The following CD38 variants were observed in gnomAD, a reference collection of about 807,000 sequenced individuals.
CD38 encodes ADP-ribosyl cyclase/cyclic ADP-ribose hydrolase 1.
CD38 carries 31 observed loss-of-function variants against 36.3 expected under a neutral mutation model. The ratio of observed to expected loss-of-function variants is 0.85; its 90% CI spans 0.64 to 1.15. The LOEUF is 1.15. Ranked by LOEUF, CD38 falls within the 50% of genes most tolerant of loss-of-function variation. The pLI, the probability that CD38 is intolerant of heterozygous loss-of-function variation, is 0.00. For synonymous variants in CD38, 131 were observed against 135.2 expected (o/e 0.97, Z 0.22); for missense variants, 380 against 371.9 (o/e 1.02, Z -0.18).
intron 1 of CD38, among the ~76,000 whole-genome samples, chr4:15,780,115 T>C (rs1473517766): frequency 6.6e-6 from 1 of 152,236 alleles, no homozygotes; most frequent in Non-Finnish European, 1.5e-5. Context: ...ATACATTGTG[T>C]GTACATATGG....
chr4:15,778,452 A>T lies in CD38; in HGVS notation c.38A>T (p.Lys13Ile). Residue 13 changes from lysine to isoleucine, a missense_variant, in exon 1 of 8, where the codon AAA becomes ATA. Coordinates refer to ENST00000226279, the MANE Select transcript of CD38 (RefSeq NM_001775.4). This position sits in a 1 kb window ranked among gnomAD's most constrained non-coding sequence, Gnocchi z 4.9. ...NCEFSPVSGD[K>I]PCCRLSRRAQ... ...GAGTTCAGCCCGGTGTCCGGGGACA[A>T]ACCCTGCTGCCGGCTCTCTAGGAGA... 1 of 1,613,336 alleles carries T rather than the reference A, an allele frequency of 6.2e-7. No individual in the cohort carries two copies.
chr4:15,819,841 ACTT>A (rs1723693039), intron 2 of CD38, among the ~76,000 whole-genome samples: 1 of 152,234 alleles, frequency 6.6e-6, no homozygotes, highest in Admixed American at 6.5e-5. Context: ...ATCCAGGAGA[ACTT>A]CTTCAACCTA....
rs923531840 is a variant in CD38 at position 15,840,076 on chromosome 4, C to T, written c.710C>T (p.Thr237Ile). ...AATTTGCAACCAGAGAAGGTTCAGA[C>T]ACTAGAGGCCTGGGTGATACATGGT... is the stretch of plus-strand genomic sequence containing the variant. ...VHNLQPEKVQTLEAWVIHGGR... is the reference protein window; with the variant it reads ...VHNLQPEKVQILEAWVIHGGR... The change falls in exon 6 of 8, where the codon ACA becomes ATA. Residue 237 changes from threonine to isoleucine, a missense_variant. Transcript: ENST00000226279. 1 of 1,613,310 alleles carries T rather than the reference C, an allele frequency of 6.2e-7. No individual in the cohort carries two copies. The highest frequency in any genetic ancestry group is 8.5e-7 in the Non-Finnish European group (1 of 1,179,280).
chr4:15,812,910 C>A (rs1723502827), intron 1 of CD38, among the ~76,000 whole-genome samples: 1 of 151,952 alleles, frequency 6.6e-6, no homozygotes, highest in Non-Finnish European at 1.5e-5. Context: ...TTATATTTTT[C>A]ATTGATAGTA....
chr4:15,787,647 C>T lies in CD38; in HGVS notation c.233+9000C>T, dbSNP rs929687419. ...GTAAAGCGGCAGAATGCCACGTCCTCTCCTGGTTGCCAGGACGTGTTCCTT... is the reference window on the plus strand; with the variant it reads ...GTAAAGCGGCAGAATGCCACGTCCTTTCCTGGTTGCCAGGACGTGTTCCTT... On this transcript the variant is annotated intron_variant, in intron 1 of 7. Transcript: ENST00000226279. 2.0e-5 allele frequency among the ~76,000 whole-genome samples: 3 copies of T among 152,216 alleles called. No homozygotes were observed. In the South Asian group the frequency reaches 6.2e-4, roughly 32 times the overall value.
At position 15,806,120 on chromosome 4, in the gene CD38, G is replaced by A. The variant is rs527796995; in HGVS notation, c.234-10391G>A. On this transcript the variant is annotated intron_variant, in intron 1 of 7. Transcript: ENST00000226279. Reference sequence around the variant, plus strand: ...GTGCTAGCACAGAGCTGTGACACCTGAAGTAGGCTGACCGCAGACAAATTG... The same window carrying A: ...GTGCTAGCACAGAGCTGTGACACCTAAAGTAGGCTGACCGCAGACAAATTG... Among the ~76,000 whole-genome samples the A allele has an allele frequency of 3.7e-4, 56 of 152,216 alleles. 1 individual carries two copies. The highest frequency in any genetic ancestry group is 4.1e-4 in the Non-Finnish European group (28 of 68,040).
At chr4:15,783,404 T>C (rs186658251) in intron 1 of CD38, among the ~76,000 whole-genome samples, 158 of 152,322 alleles carry the variant, frequency 1.0e-3, no homozygotes, top group African/African-American at 3.3e-3. Flanking sequence ...TGATTGCAGG[T>C]ACTGACGATA....
At chr4:15,807,646 T>C (rs2148920061) in intron 1 of CD38, among the ~76,000 whole-genome samples, 1 of 152,328 alleles carries the variant, frequency 6.6e-6, no homozygotes, top group East Asian at 1.9e-4. Context: ...GCAGCTAGAC[T>C]GGGATCACTT....
Position 15,852,061 on chromosome 4 carries a change from T to C in CD38, c.*3459T>C, listed in dbSNP as rs13133313. 0.38 allele frequency: 57,537 copies of C among 152,072 alleles called. 11,374 individuals carry two copies. The highest frequency in any genetic ancestry group is 0.45 in the Non-Finnish European group (30,265 of 67,956). The allele number at this position is 152,072 out of a possible 1,614,324, so 9.4% of individuals were successfully genotyped here. ...GTTTGGGCCATCATTGGCTGAAAAG[T>C]GGTTATGCGACACATGACTGTATAT... is the stretch of plus-strand genomic sequence containing the variant. On this transcript the variant is annotated 3_prime_UTR_variant, in exon 8 of 8. Transcript: ENST00000226279.
chr4:15,818,606 C>CT (rs1723659729), intron 2 of CD38, among the ~76,000 whole-genome samples: 1 of 152,166 alleles, frequency 6.6e-6, no homozygotes, highest in African/African-American at 2.4e-5. Flanking sequence ...AGGAGAGCTC[C>CT]GGCTGGCATC....
intron 1 of CD38, among the ~76,000 whole-genome samples, chr4:15,793,927 C>CT (rs1007813560): frequency 6.6e-6 from 1 of 152,198 alleles, no homozygotes; most frequent in African/African-American, 2.4e-5. Flanking sequence ...AAGAGAAAGA[C>CT]TGTGGTAAAG....
Position 15,778,468 on chromosome 4 carries a change from CT to C in CD38, c.55del (p.Ser19LeufsTer15). ...VSGDKPCCRL[S>X]RRAQLCLGVS... ...CCGGGGACAAACCCTGCTGCCGGCT[CT>C]CTAGGAGAGCCCAACTCTGTCTTGG... On this transcript the variant is annotated frameshift_variant, in exon 1 of 8. Transcript: ENST00000226279. LOFTEE classifies it high-confidence loss of function. The surrounding 1 kb of genome is among the most constrained non-coding windows in gnomAD (Gnocchi z 4.9). 6.2e-7 allele frequency: 1 copy of C among 1,613,992 alleles called. No homozygotes were observed. Among genetic ancestry groups the C allele is most frequent in the South Asian group, 1.1e-5 (1 of 91,072 alleles).
intron 1 of CD38, among the ~76,000 whole-genome samples, chr4:15,800,829 C>T (rs979003839): frequency 1.3e-5 from 2 of 151,914 alleles, no homozygotes; most frequent in African/African-American, 2.4e-5. Flanking sequence ...TAATGATTGC[C>T]TACGTCAAAA....
chr4:15,808,359 A>G (rs985530367), intron 1 of CD38, among the ~76,000 whole-genome samples: 3 of 152,202 alleles, frequency 2.0e-5, no homozygotes, highest in Non-Finnish European at 4.4e-5. Flanking sequence ...TGACCAAGAG[A>G]CCTGGGAGAG....
chr4:15,810,025 C>G (rs151256106), intron 1 of CD38, among the ~76,000 whole-genome samples: 8 of 152,274 alleles, frequency 5.3e-5, no homozygotes, highest in East Asian at 3.9e-4. Flanking sequence ...CTCATTTTCT[C>G]TAATTTGTAG....
Position 15,778,340 on chromosome 4 carries a change from C to T in CD38, c.-75C>T. The T allele has an allele frequency of 2.1e-6, 2 of 973,468 alleles. No homozygotes were observed. The highest frequency in any genetic ancestry group is 1.6e-5 in the African/African-American group (1 of 62,310). The allele number at this position is 973,468 out of a possible 1,614,324, so 60.3% of individuals were successfully genotyped here. ...CAGAAGGGGAGGTGCAGTTTCAGAA[C>T]CCAGCCAGCCTCTCTCTTGCTGCCT... On this transcript the variant is annotated 5_prime_UTR_variant, in exon 1 of 8. Coordinates refer to ENST00000226279, the MANE Select transcript of CD38 (RefSeq NM_001775.4). This position sits in a 1 kb window ranked among gnomAD's most constrained non-coding sequence, Gnocchi z 4.9.
At chr4:15,824,359 GAATAT>G (rs1488481642) in intron 2 of CD38, among the ~76,000 whole-genome samples, 2 of 151,710 alleles carry the variant, frequency 1.3e-5, no homozygotes, top group African/African-American at 4.8e-5. Flanking sequence ...TCATAAAACA[GAATAT>G]AATTCTGAAC....
intron 1 of CD38, among the ~76,000 whole-genome samples, chr4:15,795,319 AC>A (rs1723084020): frequency 1.3e-5 from 2 of 152,002 alleles, no homozygotes; most frequent in Non-Finnish European, 2.9e-5. Context: ...ATAGGAGATT[AC>A]CTTTTTTTCA....
At chr4:15,784,978 C>T in intron 1 of CD38, among the ~76,000 whole-genome samples, 1 of 152,028 alleles carries the variant, frequency 6.6e-6, no homozygotes, top group East Asian at 1.9e-4. Context: ...ATCGCTTGAA[C>T]CTGGGAGGCG....
Sources: allele counts gnomAD v4.1 joint callset (sites outside exome capture counted in the v4.1 genomes callset), GRCh38; gene constraint gnomAD v4.1.1; non-coding constraint Gnocchi (gnomAD v3.1); transcripts MANE v1.5; gene names NCBI Gene and HGNC (gene_info 2026-07-23, HGNC 2026-07-21).